SAMMSON: variants seen among roughly 807,000 people sequenced by gnomAD.
SAMMSON encodes the protein long intergenic non-protein coding RNA 1212.
At chr3:70,372,264 A>T (rs1206222801) in intron 9 of SAMMSON, among the ~76,000 whole-genome samples, 1 of 151,742 alleles carries the variant, frequency 6.6e-6, no homozygotes, top group African/African-American at 2.4e-5. Flanking sequence ...TGATGAGTGG[A>T]CTAAGATGGT....
intron 1 of SAMMSON, among the ~76,000 whole-genome samples, chr3:70,002,019 T>C (rs1362840330): frequency 6.6e-6 from 1 of 152,204 alleles, no homozygotes; most frequent in Non-Finnish European, 1.5e-5. Context: ...ACATACAGTA[T>C]ATCAGAGTAT....
Position 70,045,158 on chromosome 3 carries a change from A to AAT in SAMMSON, n.418-26313_418-26312dup, listed in dbSNP as rs1238206301. Among the ~76,000 whole-genome samples the AAT allele has an allele frequency of 9.2e-5, 12 of 130,592 alleles. No homozygotes were observed. The East Asian group carries it at 2.1e-3, about 22-fold the overall frequency. The allele number at this position is 130,592 out of a possible 152,430, so 85.7% of individuals were successfully genotyped here. A position where few individuals can be genotyped will look rare whatever the true frequency, so the allele number is the denominator to read the frequency against. ...ATTATAATTTATATATATTAATTAT[A>AAT]ATATATTATAATTTATATATATCGT... On this transcript the variant is annotated intron_variant and non_coding_transcript_variant, in intron 3 of 9. Transcript: ENST00000642114.
chr3:70,286,039 C>T (rs1295326916), intron 6 of SAMMSON, among the ~76,000 whole-genome samples: 1 of 151,994 alleles, frequency 6.6e-6, no homozygotes, highest in Non-Finnish European at 1.5e-5. Flanking sequence ...GTTTCTTTTG[C>T]TGTGCAGAAG....
intron 4 of SAMMSON, among the ~76,000 whole-genome samples, chr3:70,218,764 A>T (rs757706703): frequency 6.6e-6 from 1 of 152,104 alleles, no homozygotes; most frequent in Non-Finnish European, 1.5e-5. Flanking sequence ...TAGAAAAAAA[A>T]ATTCTTCAGC....
intron 4 of SAMMSON, among the ~76,000 whole-genome samples, chr3:70,129,338 T>G (rs1290056438): frequency 6.6e-6 from 1 of 152,226 alleles, no homozygotes; most frequent in Non-Finnish European, 1.5e-5. Flanking sequence ...CCTTAAAAGA[T>G]AAACATTTTT....
In SAMMSON at chr3:70,105,367, C is replaced by T. The variant is rs140475800; in HGVS notation, n.507+33802C>T. ...TTCAGAAATAATGAGTGGGGAGAAG[C>T]TGGAGCTGGAGTTTATATATCAGTA... On this transcript the variant is annotated intron_variant and non_coding_transcript_variant, in intron 4 of 9. Coordinates refer to ENST00000642114, the Ensembl canonical transcript of SAMMSON. 4.5e-3 allele frequency among the ~76,000 whole-genome samples: 687 copies of T among 152,250 alleles called. 30 individuals are homozygous for T. Among genetic ancestry groups the T allele is most frequent in the Admixed American group, 0.039 (600 of 15,286 alleles).
At chr3:70,153,505 A>G (rs911337975) in intron 4 of SAMMSON, among the ~76,000 whole-genome samples, 10 of 151,944 alleles carry the variant, frequency 6.6e-5, no homozygotes, top group Non-Finnish European at 1.3e-4. Context: ...GAGGTCATAA[A>G]TTTAAAAAAA....
In SAMMSON at chr3:70,355,743, T is replaced by G. The variant is rs369048242; in HGVS notation, n.842+1466T>G. On this transcript the variant is annotated intron_variant and non_coding_transcript_variant, in intron 8 of 9. Transcript: ENST00000642114. ...AGAACCTATAGACATACTCTACAGATTAAAAGTATCCACTGAACACTCAGC... is the reference window on the plus strand; with the variant it reads ...AGAACCTATAGACATACTCTACAGAGTAAAAGTATCCACTGAACACTCAGC... Among the ~76,000 whole-genome samples, 224 of 152,176 alleles carry G rather than the reference T, an allele frequency of 1.5e-3. 1 individual carries two copies. The highest frequency in any genetic ancestry group is 5.1e-3 in the African/African-American group (210 of 41,524).
chr3:70,256,998 G>T (rs1032570033), intron 6 of SAMMSON, among the ~76,000 whole-genome samples: 4 of 152,172 alleles, frequency 2.6e-5, no homozygotes, highest in Non-Finnish European at 4.4e-5. Context: ...GGAGAGGAGG[G>T]CAAGTCCAGT....
At chr3:70,257,862 A>G (rs1051575515) in intron 6 of SAMMSON, among the ~76,000 whole-genome samples, 2 of 152,200 alleles carry the variant, frequency 1.3e-5, no homozygotes, top group Non-Finnish European at 2.9e-5. Context: ...GGCTTTTACT[A>G]TTTGATTTCC....
chr3:70,178,545 A>G (rs745769406), intron 4 of SAMMSON, among the ~76,000 whole-genome samples: 1 of 152,128 alleles, frequency 6.6e-6, no homozygotes, highest in Non-Finnish European at 1.5e-5. Flanking sequence ...CTGAGAAGGG[A>G]CTAATGTTTT....
At chr3:70,250,000 A>G (rs1486887097) in intron 6 of SAMMSON, among the ~76,000 whole-genome samples, 3 of 152,222 alleles carry the variant, frequency 2.0e-5, no homozygotes, top group Non-Finnish European at 2.9e-5. Context: ...ATTTTGGTGT[A>G]AAATCTAGAG....
intron 6 of SAMMSON, among the ~76,000 whole-genome samples, chr3:70,251,386 A>G (rs1291052292): frequency 6.6e-6 from 1 of 152,170 alleles, no homozygotes; most frequent in African/African-American, 2.4e-5. Context: ...TGATTTTTTT[A>G]TCTGACTATG....
At chr3:70,207,889 T>C (rs544669711) in intron 4 of SAMMSON, among the ~76,000 whole-genome samples, 6 of 152,136 alleles carry the variant, frequency 3.9e-5, no homozygotes, top group Admixed American at 1.3e-4. Flanking sequence ...ACTGTATGCA[T>C]TCTCCTGCCA....
intron 1 of SAMMSON, among the ~76,000 whole-genome samples, chr3:70,006,218 T>C (rs540756749): frequency 6.6e-6 from 1 of 152,320 alleles, no homozygotes; most frequent in South Asian, 2.1e-4. Flanking sequence ...TTACAGAATA[T>C]GTCTTATCAG....
At chr3:70,198,043 T>A (rs911228704) in intron 4 of SAMMSON, among the ~76,000 whole-genome samples, 2 of 152,210 alleles carry the variant, frequency 1.3e-5, no homozygotes, top group South Asian at 4.1e-4. Context: ...AGCAGTTCTC[T>A]TGTTAAAATT....
chr3:70,165,707 T>G (rs1455766596), intron 4 of SAMMSON, among the ~76,000 whole-genome samples: 2 of 152,000 alleles, frequency 1.3e-5, no homozygotes, highest in African/African-American at 4.8e-5. Flanking sequence ...GATCAGAAGT[T>G]TCTCTTAAGT....
chr3:70,403,844 A>G (rs545378487), intron 2 of SAMMSON, among the ~76,000 whole-genome samples: 1 of 152,296 alleles, frequency 6.6e-6, no homozygotes, highest in Admixed American at 6.5e-5. Context: ...AAGTATGTAT[A>G]TGTGTGATAC....
chr3:70,236,065 T>C (rs1489620220), intron 4 of SAMMSON, among the ~76,000 whole-genome samples: 1 of 152,092 alleles, frequency 6.6e-6, no homozygotes, highest in Non-Finnish European at 1.5e-5. Flanking sequence ...GAATAATCTT[T>C]CCCACGACCT....
Sources: gnomAD v4.1 joint callset for allele counts (sites outside exome capture counted in the v4.1 genomes callset) on GRCh38, gnomAD v4.1.1 for gene constraint, MANE v1.5 for transcripts, NCBI Gene and HGNC (gene_info 2026-07-23, HGNC 2026-07-21) for gene names.